The following CAST variants were observed in gnomAD, a reference collection of about 807,000 sequenced individuals.
CAST encodes the protein calpastatin.
CAST carries 76 observed loss-of-function variants against 119.6 expected under a neutral mutation model. The ratio of observed to expected loss-of-function variants is 0.64; its 90% CI spans 0.53 to 0.77. CAST has a LOEUF of 0.77. Among genes scored for constraint, CAST ranks in the 30% least tolerant of loss-of-function variants. The pLI, the probability that CAST is intolerant of heterozygous loss-of-function variation, is 0.00. For synonymous variants in CAST, 319 were observed against 331.6 expected, an observed-to-expected ratio of 0.96 and a Z score of 0.41; for missense variants, 953 against 946.5, an observed-to-expected ratio of 1.01 and a Z score of -0.09.
the CAST span, among the ~76,000 whole-genome samples, chr5:96,416,282 G>A: frequency 3.3e-5 from 5 of 152,310 alleles, no homozygotes; most frequent in South Asian, 1.0e-3. Flanking sequence ...CTTATGTTCA[G>A]ATGAAGGGCA....
At chr5:96,748,449 C>A in intron 18 of CAST, 69 bp from the exon 19 acceptor site, 1 of 737,672 alleles carries the variant, frequency 1.4e-6, no homozygotes, top group East Asian at 2.8e-5. Context: ...AAAATTGCTC[C>A]ATGAAAACTT....
At chr5:96,139,343 C>T in the CAST span, among the ~76,000 whole-genome samples, 2 of 151,464 alleles carry the variant, frequency 1.3e-5, no homozygotes, top group Admixed American at 1.3e-4. Flanking sequence ...TGTTTTAGGG[C>T]TTAGTGTCTA....
At chr5:96,347,247 T>C in the CAST span, among the ~76,000 whole-genome samples, 1 of 152,162 alleles carries the variant, frequency 6.6e-6, no homozygotes, top group Non-Finnish European at 1.5e-5. Context: ...TACTCCCTAA[T>C]GGACATTAAT....
chr5:96,405,313 A>C, the CAST span, among the ~76,000 whole-genome samples: 1 of 152,336 alleles, frequency 6.6e-6, no homozygotes, highest in South Asian at 2.1e-4. Flanking sequence ...GGTGAAACCT[A>C]TAAGCCATTC....
intron 1 of CAST, among the ~76,000 whole-genome samples, chr5:96,571,935 A>T (rs983230272): frequency 6.6e-6 from 1 of 152,222 alleles, no homozygotes; most frequent in Non-Finnish European, 1.5e-5. Flanking sequence ...AAATATATTG[A>T]TGTTGAGTGA....
the CAST span, among the ~76,000 whole-genome samples, chr5:95,988,949 C>T: frequency 5.9e-5 from 9 of 152,106 alleles, no homozygotes; most frequent in African/African-American, 1.2e-4. Context: ...ATTTAAAAAA[C>T]GTAATGCTCT....
intron 15 of CAST, chr5:96,742,401 A>T (rs1218941211): frequency 4.7e-6 from 2 of 423,016 alleles, no homozygotes; most frequent in African/African-American, 4.0e-5. Flanking sequence ...TGTCTAGCTT[A>T]CCAAATAAGG....
the CAST span, among the ~76,000 whole-genome samples, chr5:96,162,075 C>T: frequency 1.3e-5 from 2 of 152,152 alleles, no homozygotes; most frequent in Non-Finnish European, 2.9e-5. Context: ...ACTTACACTT[C>T]TTCTTTTCCA....
At chr5:96,266,578 C>A in the CAST span, among the ~76,000 whole-genome samples, 2 of 152,098 alleles carry the variant, frequency 1.3e-5, no homozygotes, top group South Asian at 4.2e-4. Context: ...TTTACTAGAA[C>A]TGAAGCAAAC....
At chr5:96,248,953 T>C in the CAST span, among the ~76,000 whole-genome samples, 1 of 152,234 alleles carries the variant, frequency 6.6e-6, no homozygotes, top group Admixed American at 6.5e-5. Flanking sequence ...AGGAGAAGGT[T>C]TGGCCTTCTG....
chr5:96,177,005 G>A, the CAST span, among the ~76,000 whole-genome samples: 1 of 152,108 alleles, frequency 6.6e-6, no homozygotes, highest in Non-Finnish European at 1.5e-5. Flanking sequence ...AACTTTTCAT[G>A]TCTTAATGCA....
Position 96,619,514 on chromosome 5 carries a change from G to A in CAST, c.61-56025G>A, listed in dbSNP as rs554590972. 7.2e-5 allele frequency among the ~76,000 whole-genome samples: 11 copies of A among 152,354 alleles called. No homozygotes were observed. In the South Asian group the frequency reaches 1.0e-3, roughly 14 times the overall value. On this transcript the variant is annotated intron_variant, in intron 1 of 11. Transcript: ENST00000505143. ...CTGCCCGAACTAGCAGCAGCAACCTGCTGGGTCCTCTTCCACAGTGTGGTA... is the reference window on the plus strand; with the variant it reads ...CTGCCCGAACTAGCAGCAGCAACCTACTGGGTCCTCTTCCACAGTGTGGTA...
chr5:96,412,752 G>GTTTTTTTTTTTT, the CAST span, among the ~76,000 whole-genome samples: 10 of 71,806 alleles, frequency 1.4e-4, no homozygotes, highest in Middle Eastern at 0.011. Flanking sequence ...CAGCTGTGAT[G>GTTTTTTTTTTTT]TTTTTTTTTT....
chr5:96,024,279 T>A, the CAST span, among the ~76,000 whole-genome samples: 3 of 152,184 alleles, frequency 2.0e-5, no homozygotes, highest in Admixed American at 6.5e-5. Flanking sequence ...GCTAAAAAAA[T>A]AATCCAGAAG....
the CAST span, among the ~76,000 whole-genome samples, chr5:96,477,065 AACACACACACACACACACAC>A: frequency 1.5e-3 from 209 of 136,718 alleles, 5 homozygotes; most frequent in Admixed American, 8.5e-3. Context: ...AATGTGCCAA[AACACACACACACACACACAC>A]ACACACACAC....
the CAST span, among the ~76,000 whole-genome samples, chr5:96,113,921 T>C: frequency 6.6e-6 from 1 of 152,222 alleles, no homozygotes; most frequent in East Asian, 1.9e-4. Flanking sequence ...ATGTGCATTA[T>C]ATCACAAAAG....
the CAST span, among the ~76,000 whole-genome samples, chr5:96,316,683 A>G: frequency 4.7e-4 from 72 of 152,344 alleles, no homozygotes; most frequent in Middle Eastern, 3.4e-3. Flanking sequence ...GAACCCCCAC[A>G]GAGAGTGTCA....
intron 1 of CAST, among the ~76,000 whole-genome samples, chr5:96,644,853 G>A (rs1214542148): frequency 6.6e-6 from 1 of 152,140 alleles, no homozygotes; most frequent in Non-Finnish European, 1.5e-5. Flanking sequence ...GCACGTGCCT[G>A]TAATTCCAGC....
chr5:96,216,255 G>A, the CAST span, among the ~76,000 whole-genome samples: 98 of 152,162 alleles, frequency 6.4e-4, no homozygotes, highest in Non-Finnish European at 2.8e-4. Flanking sequence ...TAAGTTTTGG[G>A]GGAGTCAAAA....
Sources: gnomAD v4.1 joint callset for allele counts (sites outside exome capture counted in the v4.1 genomes callset) on GRCh38, gnomAD v4.1.1 for gene constraint, MANE v1.5 for transcripts, NCBI Gene and HGNC (gene_info 2026-07-23, HGNC 2026-07-21) for gene names.